TSC2: variants seen among roughly 807,000 people sequenced by gnomAD.
TSC2 encodes the protein tuberin.
In TSC2, 29 loss-of-function variants were observed where a neutral mutation model predicts 202.2. The observed-to-expected ratio is 0.14, with a 90% CI of 0.11 to 0.20. The LOEUF is 0.20. Among genes scored for constraint, TSC2 ranks in the 10% least tolerant of loss-of-function variants. The pLI, the probability that TSC2 is intolerant of heterozygous loss-of-function variation, is 1.00. For missense variants in TSC2, 2,429 were observed against 2,420.0 expected (o/e 1.00, Z -0.08); for synonymous variants, 1,349 against 1,044.0 (o/e 1.29, Z -5.63).
rs779759485 is a variant in TSC2, at chr16:2,089,456, C to T, written c.*846C>T. The T allele has an allele frequency of 1.9e-6, 1 of 537,220 alleles. No homozygotes were observed. The highest frequency in any genetic ancestry group is 3.3e-6 in the Non-Finnish European group (1 of 299,206). The allele number at this position is 537,220 out of a possible 1,614,324, so 33.3% of individuals were successfully genotyped here. A position where few individuals can be genotyped will look rare whatever the true frequency, so the allele number is the denominator to read the frequency against. The stretch of plus-strand genomic sequence containing the variant: ...GGGCACAGCCCGCTGTACCTGAGGA[C>T]TCGGGGAAATAAATTAGCATCTCAG... On this transcript the variant is annotated 3_prime_UTR_variant, in exon 42 of 42. Transcript: ENST00000219476.
At chr16:2,058,965 G>C in intron 10 of TSC2, 92 bp downstream of exon 10, 1 of 1,547,162 alleles carries the variant, frequency 6.5e-7, no homozygotes, top group Middle Eastern at 1.7e-4. Flanking sequence ...CTGCTGCGGG[G>C]GCTGCGGTGG....
At chr16:2,068,612 C>G (rs1376035422) in intron 16 of TSC2, 1 of 152,156 alleles carries the variant, frequency 6.6e-6, no homozygotes, top group African/African-American at 2.4e-5. Flanking sequence ...TGGTGACTCA[C>G]GCCTGTAATC....
chr16:2,065,483 T>G (rs777632193), intron 15 of TSC2, 36 bp from the exon 16 acceptor site: 759 of 1,512,478 alleles, frequency 5.0e-4, no homozygotes, highest in Non-Finnish European at 6.4e-4. Context: ...CTCAGAACCA[T>G]GAGCCTGTGT....
intron 12 of TSC2, 102 bp downstream of exon 12, chr16:2,062,110 G>A (rs894459988): frequency 1.6e-5 from 24 of 1,536,498 alleles, no homozygotes; most frequent in Admixed American, 7.4e-5. Context: ...CCAAGGGCCA[G>A]GTGGGCGCCT....
chr16:2,074,193 C>T lies in TSC2; in HGVS notation c.2356-7C>T, dbSNP rs2151346130. 3 of 1,610,832 alleles carry T rather than the reference C, an allele frequency of 1.9e-6. No individual in the cohort carries two copies. Among genetic ancestry groups the T allele is most frequent in the East Asian group, 2.2e-5 (1 of 44,894 alleles). On this transcript the variant is annotated splice_region_variant and splice_polypyrimidine_tract_variant and intron_variant, in intron 21 of 41. Transcript: ENST00000219476. ...GGGTGGGGCCTGAGGTGTCCTGTCT[C>T]CTGCAGCGCGAGATGGTCTACTGCC...
chr16:2,081,044 G>A, intron 30 of TSC2: 1 of 192,522 alleles, frequency 5.2e-6, no homozygotes, highest in Non-Finnish European at 1.1e-5. Flanking sequence ...ATCTCCTCTT[G>A]GGAGGAAACC....
rs554943075 is a variant in TSC2 at position 2,053,318 on chromosome 16, C to T, written c.226-24C>T. On this transcript the variant is annotated intron_variant, in intron 3 of 41. Transcript: ENST00000219476. ...GGGTTCTTGGAGAGCACATCCTCAC[C>T]GCTGTCCCCTCTGCTGGTGACAGCA... 27 of 1,556,588 alleles carry T rather than the reference C, an allele frequency of 1.7e-5. No individual in the cohort carries two copies. The South Asian group carries it at 2.3e-4, about 13-fold the overall frequency.
At position 2,088,082 on chromosome 16, in the gene TSC2, G is replaced by A. The variant is rs768476974; in HGVS notation, c.5103G>A (p.Lys1701=). 1 of 1,612,806 alleles carries A rather than the reference G, an allele frequency of 6.2e-7. No homozygotes were observed. Among genetic ancestry groups the A allele is most frequent in the South Asian group, 1.1e-5 (1 of 91,088 alleles). The change falls in exon 40 of 42, where the codon AAG becomes AAA. Residue 1701 remains lysine (K), a synonymous_variant. Coordinates refer to ENST00000219476, the MANE Select transcript of TSC2 (RefSeq NM_000548.5). ...MEGLVDTSVA[K]IVSDRNLPFV... is the part of the protein sequence containing the mutation. Reference sequence around the variant, plus strand: ...GCCTTGTGGACACCAGCGTGGCCAAGATCGTGTCTGACCGCAACCTGCCCT... The same window carrying A: ...GCCTTGTGGACACCAGCGTGGCCAAAATCGTGTCTGACCGCAACCTGCCCT...
chr16:2,054,473 G>C, intron 5 of TSC2, 33 bp downstream of exon 5: 2 of 1,613,676 alleles, frequency 1.2e-6, no homozygotes, highest in Non-Finnish European at 1.7e-6. Flanking sequence ...GGTTTCTCTG[G>C]CCTTGACGAT....
rs151082037 is a variant in TSC2, at chr16:2,071,068, A to G, written c.1840-442A>G. 6.5e-3 allele frequency among the ~76,000 whole-genome samples: 990 copies of G among 152,256 alleles called. 9 individuals carry two copies. The highest frequency in any genetic ancestry group is 0.022 in the African/African-American group (926 of 41,538). The stretch of plus-strand genomic sequence containing the variant: ...TAGATGTTGGCACCAGGCTGAGCAG[A>G]GGTGACTGGGATGGGAGCCCTCCCT... On this transcript the variant is annotated intron_variant, in intron 17 of 41. Coordinates refer to ENST00000219476, the MANE Select transcript of TSC2 (RefSeq NM_000548.5).
chr16:2,085,200 G>A, intron 35 of TSC2, 30 bp from the exon 36 acceptor site: 2 of 1,612,294 alleles, frequency 1.2e-6, no homozygotes, highest in Non-Finnish European at 1.7e-6. Context: ...ACGGGCGTCT[G>A]GGGCTCAGGC....
chr16:2,054,076 C>A (rs935921211), intron 4 of TSC2: 1 of 650,354 alleles, frequency 1.5e-6, no homozygotes, highest in Non-Finnish European at 2.6e-6. Context: ...TCCCGACACA[C>A]AGCAGTTGCT....
In TSC2 at chr16:2,079,818, C is replaced by T. The variant is rs1018503503; in HGVS notation, c.3397+149C>T. Reference sequence around the variant, plus strand: ...TCCTGACTCTGGGGTGAGCCTTCCACAGCTCACCCCAGAGCCGTGGAGTGG... The same window carrying T: ...TCCTGACTCTGGGGTGAGCCTTCCATAGCTCACCCCAGAGCCGTGGAGTGG... On this transcript the variant is annotated intron_variant, in intron 29 of 41. Coordinates refer to ENST00000219476, the MANE Select transcript of TSC2 (RefSeq NM_000548.5). The surrounding 1 kb of genome is among the most constrained non-coding windows in gnomAD (Gnocchi z 4.6). 6.5e-6 allele frequency: 5 copies of T among 768,192 alleles called. No individual in the cohort carries two copies. In the Admixed American group the frequency reaches 8.7e-5, roughly 13 times the overall value. The allele number at this position is 768,192 out of a possible 1,614,324, so 47.6% of individuals were successfully genotyped here. A position where few individuals can be genotyped will look rare whatever the true frequency, so the allele number is the denominator to read the frequency against.
At chr16:2,077,878 GT>G in intron 26 of TSC2, 152 bp downstream of exon 26, 1 of 1,364,134 alleles carries the variant, frequency 7.3e-7, no homozygotes, top group Non-Finnish European at 1.0e-6. Context: ...GGGTGGAAAG[GT>G]TGCATTCTGT....
Position 2,089,446 on chromosome 16 carries a change from T to C in TSC2, c.*836T>C, listed in dbSNP as rs2091346649. The C allele has an allele frequency of 3.8e-6, 2 of 520,498 alleles. No individual in the cohort carries two copies. The highest frequency in any genetic ancestry group is 3.5e-6 in the Non-Finnish European group (1 of 288,262). 32.2% of individuals were successfully genotyped at this position (520,498 alleles called of 1,614,324 possible). On this transcript the variant is annotated 3_prime_UTR_variant, in exon 42 of 42. Transcript: ENST00000219476. ...GGGTGGGGCCGGGCACAGCCCGCTG[T>C]ACCTGAGGACTCGGGGAAATAAATT...
intron 14 of TSC2, chr16:2,063,522 A>C: frequency 3.7e-6 from 1 of 269,194 alleles, no homozygotes; most frequent in Non-Finnish European, 7.3e-6. Context: ...CTTGAGAGAC[A>C]TTTGTGTGCC....
rs773135685 is a variant in TSC2, at chr16:2,082,449, C to T, written c.3828C>T (p.Ser1276=). The T allele has an allele frequency of 6.2e-7, 1 of 1,612,574 alleles. No homozygotes were observed. The highest frequency in any genetic ancestry group is 8.5e-7 in the Non-Finnish European group (1 of 1,179,992). ...CTTCCCTTGCAGTGGCCTCTTTCTC[C>T]TCCCTGTACCAGTCCAGCTGCCAAG... ...LPRSNTVASF[S]SLYQSSCQGQ... is the part of the protein sequence containing the mutation. The change falls in exon 32 of 42, where the codon TCC becomes TCT. Residue 1276 remains serine, a synonymous_variant. Transcript: ENST00000219476.
intron 21 of TSC2, 65 bp downstream of exon 21, chr16:2,073,048 A>C: frequency 6.2e-7 from 1 of 1,609,926 alleles, no homozygotes; most frequent in Non-Finnish European, 8.5e-7. Flanking sequence ...TGGCCCAGGT[A>C]GGCCCCACAT....
intron 6 of TSC2, chr16:2,055,866 G>T: frequency 2.1e-6 from 1 of 478,634 alleles, no homozygotes; most frequent in Non-Finnish European, 3.8e-6. Context: ...ACTCCAGCCT[G>T]GGTGAAAGAG....
Sources: gnomAD v4.1 joint callset for allele counts (sites outside exome capture counted in the v4.1 genomes callset) on GRCh38, gnomAD v4.1.1 for gene constraint, Gnocchi (gnomAD v3.1) non-coding constraint, MANE v1.5 for transcripts, NCBI Gene and HGNC (gene_info 2026-07-23, HGNC 2026-07-21) for gene names.